Variants in PHKB observed in about 807,000 individuals in gnomAD.
The protein encoded by PHKB is phosphorylase kinase regulatory subunit beta, also known as phosphorylase b kinase regulatory subunit beta.
A neutral mutation model predicts 152.1 loss-of-function variants in PHKB; 122 were observed. That is an observed-to-expected ratio of 0.80 (90% CI 0.69 to 0.93). The LOEUF is 0.93. Ranked by LOEUF, PHKB falls within the 40% of genes least tolerant of loss-of-function variation. The pLI is 0.00. For synonymous variants in PHKB, 436 were observed against 464.9 expected (o/e 0.94, Z 0.80); for missense variants, 1,304 against 1,328.4 (o/e 0.98, Z 0.29).
intron 1 of PHKB, among the ~76,000 whole-genome samples, chr16:47,464,877 G>A (rs757708023): frequency 6.6e-6 from 1 of 152,174 alleles, no homozygotes; most frequent in Non-Finnish European, 1.5e-5. Flanking sequence ...TGCCTCTTAA[G>A]CAGAATATTT....
Position 47,696,411 on chromosome 16 carries a change from G to T in PHKB, c.2926G>T (p.Glu976Ter), listed in dbSNP as rs199948078. Residue 976 changes from glutamate (E) to a stop codon, truncating the protein, a stop_gained, in exon 29 of 31, where the codon GAG becomes TAG. Coordinates refer to ENST00000323584, the MANE Select transcript of PHKB (RefSeq NM_000293.3). LOFTEE classifies it high-confidence loss of function. ...AACCCTGTCAGATATGACCATGTAT[G>T]AGATGAATTTCTCTCTCCTTGTTGA... ...QPTLSDMTMYEMNFSLLVEDT... is the reference protein window; with the variant it reads ...QPTLSDMTMY 6.2e-6 allele frequency: 10 copies of T among 1,608,842 alleles called. No homozygotes were observed. The highest frequency in any genetic ancestry group is 7.7e-6 in the Non-Finnish European group (9 of 1,175,194).
chr16:47,553,495 C>G (rs1025307660), intron 7 of PHKB, among the ~76,000 whole-genome samples: 1 of 152,050 alleles, frequency 6.6e-6, no homozygotes, highest in African/African-American at 2.4e-5. Flanking sequence ...TCCTTTAGCT[C>G]AGAGGAGCTT....
chr16:47,484,150 C>T (rs895237438), intron 1 of PHKB, among the ~76,000 whole-genome samples: 2 of 152,088 alleles, frequency 1.3e-5, no homozygotes, highest in African/African-American at 2.4e-5. Flanking sequence ...ACACATGAAA[C>T]ATCAACCAGG....
At position 47,627,275 on chromosome 16, in the gene PHKB, G is replaced by A. The variant is rs567091902; in HGVS notation, c.1459-13760G>A. Among the ~76,000 whole-genome samples the A allele has an allele frequency of 4.6e-5, 7 of 152,308 alleles. 1 individual carries two copies. Among genetic ancestry groups the A allele is most frequent in the Admixed American group, 1.3e-4 (2 of 15,302 alleles). ...TCATGATTAAAGCTATGAGAACACC[G>A]TAGGTCAGAGTTTCTCCACCTGGGT... is the stretch of plus-strand genomic sequence containing the variant. On this transcript the variant is annotated intron_variant, in intron 14 of 30. Coordinates refer to ENST00000323584, the MANE Select transcript of PHKB (RefSeq NM_000293.3).
intron 5 of PHKB, 85 bp from the exon 6 acceptor site, chr16:47,515,436 A>G (rs1157212513): frequency 1.3e-6 from 1 of 748,886 alleles, no homozygotes; most frequent in Non-Finnish European, 2.5e-6. Context: ...AGAGCAAATG[A>G]CTTGTAATTT....
At chr16:47,536,040 A>C (rs1970946429) in intron 6 of PHKB, among the ~76,000 whole-genome samples, 1 of 152,126 alleles carries the variant, frequency 6.6e-6, no homozygotes, top group Admixed American at 6.6e-5. Flanking sequence ...TGACCATGGA[A>C]ATGGTTATGA....
At chr16:47,504,982 C>G (rs115848609) in intron 4 of PHKB, among the ~76,000 whole-genome samples, 1 of 152,322 alleles carries the variant, frequency 6.6e-6, no homozygotes, top group Non-Finnish European at 1.5e-5. Flanking sequence ...GTGGAAGTCC[C>G]TAGCAGTCCT....
intron 17 of PHKB, among the ~76,000 whole-genome samples, 156 bp from the exon 18 acceptor site, chr16:47,648,944 A>C (rs1466893617): frequency 6.6e-6 from 1 of 152,262 alleles, no homozygotes; most frequent in Non-Finnish European, 1.5e-5. Flanking sequence ...AAGAAACTTA[A>C]AAATTTTTAA....
chr16:47,671,292 C>T (rs1427415382), intron 26 of PHKB, among the ~76,000 whole-genome samples: 1 of 152,074 alleles, frequency 6.6e-6, no homozygotes, highest in African/African-American at 2.4e-5. Flanking sequence ...ATATTCAGCA[C>T]TATGCTGTAT....
At chr16:47,548,363 C>T (rs746122769) in intron 7 of PHKB, among the ~76,000 whole-genome samples, 1 of 152,128 alleles carries the variant, frequency 6.6e-6, no homozygotes, top group Non-Finnish European at 1.5e-5. Context: ...AATCCGGGCA[C>T]TTTGGGAGGC....
At chr16:47,472,087 G>T (rs1022284414) in intron 1 of PHKB, among the ~76,000 whole-genome samples, 3 of 152,126 alleles carry the variant, frequency 2.0e-5, no homozygotes, top group Non-Finnish European at 4.4e-5. Context: ...CGAAATACAT[G>T]TGTGTGTATA....
chr16:47,607,011 C>T (rs902263591), intron 13 of PHKB, among the ~76,000 whole-genome samples: 2 of 152,040 alleles, frequency 1.3e-5, no homozygotes, highest in Non-Finnish European at 1.5e-5. Context: ...GGTCAGTGCC[C>T]CATAAAAAAA....
intron 6 of PHKB, among the ~76,000 whole-genome samples, chr16:47,543,587 C>T (rs1250867408): frequency 1.3e-5 from 2 of 152,140 alleles, no homozygotes; most frequent in Non-Finnish European, 2.9e-5. Flanking sequence ...ACCAGCTGCT[C>T]CTTGTACCTC....
intron 4 of PHKB, among the ~76,000 whole-genome samples, chr16:47,504,361 A>T (rs1196419111): frequency 6.6e-6 from 1 of 152,214 alleles, no homozygotes; most frequent in Non-Finnish European, 1.5e-5. Context: ...TCTGTCTAGC[A>T]CTCACCAAAG....
At chr16:47,668,137 T>A (rs1463951926) in intron 25 of PHKB, among the ~76,000 whole-genome samples, 1 of 152,234 alleles carries the variant, frequency 6.6e-6, no homozygotes, top group Non-Finnish European at 1.5e-5. Flanking sequence ...AGTAATATTG[T>A]TTCTACCAAG....
chr16:47,652,755 A>C (rs1410313387), intron 20 of PHKB, among the ~76,000 whole-genome samples: 1 of 151,982 alleles, frequency 6.6e-6, no homozygotes, highest in Non-Finnish European at 1.5e-5. Context: ...GGATCCTCCC[A>C]CCTCAGCCTC....
At chr16:47,665,475 T>A (rs1320338934) in intron 25 of PHKB, 2 of 248,474 alleles carry the variant, frequency 8.0e-6, no homozygotes, top group Non-Finnish European at 1.6e-5. Flanking sequence ...TAAAATTCAG[T>A]ACTAAGTGAA....
At chr16:47,469,708 G>A (rs188775717) in intron 1 of PHKB, among the ~76,000 whole-genome samples, 1 of 152,086 alleles carries the variant, frequency 6.6e-6, no homozygotes, top group Non-Finnish European at 1.5e-5. Context: ...TCAGCATCAC[G>A]TAATATACCC....
intron 4 of PHKB, among the ~76,000 whole-genome samples, chr16:47,510,817 C>T (rs1267818297): frequency 1.3e-5 from 2 of 152,180 alleles, no homozygotes; most frequent in East Asian, 1.9e-4. Context: ...GTATTATCAT[C>T]ACTTATTTCT....
Sources: gnomAD v4.1 joint callset for allele counts (sites outside exome capture counted in the v4.1 genomes callset) on GRCh38, gnomAD v4.1.1 for gene constraint, MANE v1.5 for transcripts, NCBI Gene and HGNC (gene_info 2026-07-23, HGNC 2026-07-21) for gene names.